The following GSE1 variants were observed in gnomAD, a reference collection of about 807,000 sequenced individuals.
GSE1 encodes Gse1 coiled-coil protein, also known as genetic suppressor element 1.
A neutral mutation model predicts 112.6 loss-of-function variants in GSE1; 32 were observed. That is an observed-to-expected ratio of 0.28 (90% CI 0.21 to 0.38). The LOEUF (loss-of-function observed/expected upper bound fraction) is 0.38. Ranked by LOEUF, GSE1 falls within the 10% of genes least tolerant of loss-of-function variation. The probability of loss-of-function intolerance (pLI) is 1.00; values close to 1 mark genes in which losing one functional copy is unlikely to be tolerated. For synonymous variants in GSE1, 1,115 were observed against 735.6 expected (o/e 1.52, Z -8.35); for missense variants, 2,348 against 1,699.2 (o/e 1.38, Z -6.71).
chr16:85,183,986 ATTTG>A (rs553701350), intron 1 of GSE1, among the ~76,000 whole-genome samples: 63 of 152,280 alleles, frequency 4.1e-4, no homozygotes, highest in African/African-American at 1.5e-3. Flanking sequence ...AATTGTTCAT[ATTTG>A]TTTCTGTGGC....
intron 2 of GSE1, among the ~76,000 whole-genome samples, chr16:85,455,890 T>G (rs893471573): frequency 2.0e-5 from 3 of 152,166 alleles, no homozygotes; most frequent in African/African-American, 7.2e-5. Flanking sequence ...TGCCCTTCCC[T>G]CCCAGGGACC....
rs1207712779 is a variant in GSE1, at chr16:85,672,480, T to G, written c.3595T>G (p.Cys1199Gly). ...GGCAGAACTGGACCACTTACGAAAGTGCCTTGCCTTGCCTGCAATGCACTG... is the reference window on the plus strand; with the variant it reads ...GGCAGAACTGGACCACTTACGAAAGGGCCTTGCCTTGCCTGCAATGCACTG... ...LQAELDHLRK[C>G]LALPAMHWPR... is the part of the protein sequence containing the mutation. Residue 1199 changes from cysteine (C) to glycine (G), a missense_variant, in exon 16 of 16, where the codon TGC becomes GGC. Transcript: ENST00000253458. 6.2e-7 allele frequency: 1 copy of G among 1,611,578 alleles called. No homozygotes were observed. Among genetic ancestry groups the G allele is most frequent in the Non-Finnish European group, 8.5e-7 (1 of 1,178,096 alleles).
chr16:85,500,996 C>CTGTTTTTTTTTTTTTTT (rs2051341248), intron 2 of GSE1, among the ~76,000 whole-genome samples: 1 of 90,334 alleles, frequency 1.1e-5, no homozygotes, highest in Non-Finnish European at 2.1e-5. Flanking sequence ...ATGGCCTGTT[C>CTGTTTTTTTTTTTTTTT]TGTTTTTTTT....
At chr16:85,520,392 G>A (rs77364992) in intron 2 of GSE1, among the ~76,000 whole-genome samples, 4,556 of 152,108 alleles carry the variant, frequency 0.03, 108 homozygotes, top group South Asian at 0.1. Flanking sequence ...GAGAAGACAT[G>A]CAGGGTCTTG....
chr16:85,517,565 C>T (rs1007533980), intron 2 of GSE1, among the ~76,000 whole-genome samples: 3 of 151,754 alleles, frequency 2.0e-5, no homozygotes, highest in East Asian at 1.9e-4. Context: ...AAGTGGCTGC[C>T]TGCTCCCCAC....
intron 14 of GSE1, among the ~76,000 whole-genome samples, chr16:85,669,280 T>C (rs1468682597): frequency 6.6e-6 from 1 of 152,276 alleles, no homozygotes; most frequent in African/African-American, 2.4e-5. Flanking sequence ...CCACCTGTAA[T>C]TGATTTAACA....
intron 2 of GSE1, chr16:85,490,503 T>C (rs2050975336): frequency 6.6e-6 from 1 of 152,260 alleles, no homozygotes; most frequent in Non-Finnish European, 1.5e-5. Context: ...GAAGGAATGA[T>C]GATGTAGGAG....
At chr16:85,173,045 G>A (rs779348395) in intron 1 of GSE1, among the ~76,000 whole-genome samples, 2 of 152,310 alleles carry the variant, frequency 1.3e-5, no homozygotes, top group Admixed American at 6.5e-5. Flanking sequence ...GGATGAGCAC[G>A]TCGTCTCCCG....
chr16:85,478,682 T>A (rs1474581547), intron 2 of GSE1, among the ~76,000 whole-genome samples: 1 of 151,884 alleles, frequency 6.6e-6, no homozygotes, highest in East Asian at 1.9e-4. Flanking sequence ...TTTCTCCTTT[T>A]TTTGAGGTGG....
chr16:85,411,235 A>T (rs1262926892), intron 2 of GSE1, among the ~76,000 whole-genome samples: 3 of 8,296 alleles, frequency 3.6e-4, no homozygotes, highest in Non-Finnish European at 9.3e-4. Context: ...TCACTGTTAC[A>T]CTCAGGCACA....
At chr16:85,477,262 C>T (rs747363113) in intron 2 of GSE1, among the ~76,000 whole-genome samples, 5 of 152,222 alleles carry the variant, frequency 3.3e-5, no homozygotes, top group Admixed American at 6.5e-5. Flanking sequence ...TGGGCTTTGG[C>T]TCCACAGCCT....
intron 2 of GSE1, among the ~76,000 whole-genome samples, chr16:85,470,317 C>T (rs2050250391): frequency 6.6e-6 from 1 of 152,142 alleles, no homozygotes; most frequent in African/African-American, 2.4e-5. Context: ...GCTCGGCGCC[C>T]CTCAGTGATC....
At chr16:85,622,734 G>C (rs2048819098) in intron 1 of GSE1, among the ~76,000 whole-genome samples, 1 of 152,186 alleles carries the variant, frequency 6.6e-6, no homozygotes. Context: ...CTACCTTGGG[G>C]TTGACACACG....
At chr16:85,563,999 TG>T (rs2045634702) in intron 1 of GSE1, among the ~76,000 whole-genome samples, 1 of 152,206 alleles carries the variant, frequency 6.6e-6, no homozygotes, top group Non-Finnish European at 1.5e-5. Flanking sequence ...TCAGGCCCCC[TG>T]TGAGCTGGGC....
At chr16:85,189,309 T>C (rs965052851) in intron 1 of GSE1, among the ~76,000 whole-genome samples, 5 of 152,236 alleles carry the variant, frequency 3.3e-5, no homozygotes, top group African/African-American at 1.2e-4. Flanking sequence ...TTGACTCATA[T>C]GTGTAAGCCC....
intron 1 of GSE1, among the ~76,000 whole-genome samples, chr16:85,597,975 T>G (rs2047304607): frequency 6.6e-6 from 1 of 152,104 alleles, no homozygotes; most frequent in East Asian, 1.9e-4. Flanking sequence ...GGTGTCCTGC[T>G]TCTTGTGGAA....
chr16:85,516,550 C>T (rs2151942185), intron 2 of GSE1, among the ~76,000 whole-genome samples: 2 of 148,826 alleles, frequency 1.3e-5, no homozygotes, highest in African/African-American at 5.0e-5. Context: ...GGCACCATTG[C>T]CCTCACTCTA....
In GSE1 at chr16:85,654,319, C is replaced by T. The variant is rs920018847; in HGVS notation, c.468C>T (p.Leu156=). 7.5e-6 allele frequency: 12 copies of T among 1,610,536 alleles called. No homozygotes were observed. Among genetic ancestry groups the T allele is most frequent in the East Asian group, 2.2e-5 (1 of 44,672 alleles). Reference sequence around the variant, plus strand: ...GCAGCAGTGGAGGTCGGGAACGCCTCATTGTGGAGCCCCCGCTCCCTCAGG... The same window carrying T: ...GCAGCAGTGGAGGTCGGGAACGCCTTATTGTGGAGCCCCCGCTCCCTCAGG... ...SRSSSGGRER[L]IVEPPLPQEK... The change falls in exon 4 of 16, where the codon CTC becomes CTT. Residue 156 remains leucine (L), a synonymous_variant. Coordinates refer to ENST00000253458, the MANE Select transcript of GSE1 (RefSeq NM_014615.5).
chr16:85,581,886 TC>T (rs1478111871), intron 1 of GSE1: 2 of 152,238 alleles, frequency 1.3e-5, no homozygotes, highest in African/African-American at 2.4e-5. Flanking sequence ...AACACAAACT[TC>T]CTTGGGTTTC....
Sources: gnomAD v4.1 joint callset for allele counts (sites outside exome capture counted in the v4.1 genomes callset) on GRCh38, gnomAD v4.1.1 for gene constraint, MANE v1.5 for transcripts, NCBI Gene and HGNC (gene_info 2026-07-23, HGNC 2026-07-21) for gene names.